Variants in STK24 observed in about 807,000 individuals in gnomAD.
STK24 encodes the protein serine/threonine-protein kinase 24.
Under a neutral mutation model 55.6 loss-of-function variants are expected in STK24, and 21 were observed. The ratio of observed to expected loss-of-function variants is 0.38; its 90% confidence interval spans 0.27 to 0.54. The LOEUF is 0.54. STK24 is among the 20% of genes least tolerant of loss of function. STK24 has a pLI of 0.79. For missense variants in STK24, 383 were observed against 538.4 expected (o/e 0.71, Z 2.86); for synonymous variants, 200 against 215.2 (o/e 0.93, Z 0.62).
At position 98,450,452 on chromosome 13, in the gene STK24, A is replaced by C. The variant is rs1175606975; in HGVS notation, c.*2721T>G. Reference sequence around the variant, plus strand: ...GCAGGGATAAAACTATTGGATAAGGAAGGCAGATGCACTTCCAAGAAAATC... The same window carrying C: ...GCAGGGATAAAACTATTGGATAAGGCAGGCAGATGCACTTCCAAGAAAATC... On this transcript the variant is annotated 3_prime_UTR_variant, in exon 11 of 11. Coordinates refer to ENST00000539966, the MANE Select transcript of STK24 (RefSeq NM_001032296.4). 3.3e-5 allele frequency: 5 copies of C among 152,280 alleles called. No individual in the cohort carries two copies. The highest frequency in any genetic ancestry group is 4.4e-5 in the Non-Finnish European group (3 of 68,066). The allele number at this position is 152,280 out of a possible 1,614,324, so 9.4% of individuals were successfully genotyped here.
At chr13:98,522,059 G>A (rs969464992) in intron 1 of STK24, 16 of 1,388,758 alleles carry the variant, frequency 1.2e-5, no homozygotes, top group East Asian at 8.3e-5. Context: ...GGACCTGCCC[G>A]GTCCTCCCCA....
At chr13:98,545,830 T>C (rs1176582447) in intron 1 of STK24, among the ~76,000 whole-genome samples, 1 of 152,124 alleles carries the variant, frequency 6.6e-6, no homozygotes, top group African/African-American at 2.4e-5. Context: ...CCAAACACTG[T>C]AATTACTGCA....
intron 1 of STK24, chr13:98,576,251 C>T: frequency 1.0e-6 from 1 of 982,272 alleles, no homozygotes; most frequent in Non-Finnish European, 1.2e-6. Flanking sequence ...CGGACGAGTC[C>T]AGGCGCGCTC....
rs113990406 is a variant in STK24 at position 98,474,686 on chromosome 13, T to C, written c.597+135A>G. The C allele has an allele frequency of 7.7e-5, 88 of 1,146,838 alleles. 3 individuals carry two copies. The East Asian group carries it at 8.0e-4, about 10-fold the overall frequency. The allele number at this position is 1,146,838 out of a possible 1,614,324, so 71.0% of individuals were successfully genotyped here. A position where few individuals can be genotyped will look rare whatever the true frequency, so the allele number is the denominator to read the frequency against. ...AGGAGAAAACTGTTCATAACCAAGG[T>C]TGAAGAATTACCTTTATGACCTACC... On this transcript the variant is annotated intron_variant, in intron 5 of 10. Transcript: ENST00000539966.
chr13:98,537,881 A>G (rs1376914173), intron 1 of STK24, among the ~76,000 whole-genome samples: 1 of 152,044 alleles, frequency 6.6e-6, no homozygotes, highest in African/African-American at 2.4e-5. Context: ...TAACAAGAGT[A>G]CCCACAACAC....
At chr13:98,541,429 T>C (rs1490183047) in intron 1 of STK24, among the ~76,000 whole-genome samples, 2 of 152,212 alleles carry the variant, frequency 1.3e-5, no homozygotes, top group African/African-American at 4.8e-5. Context: ...TGTTCAGATG[T>C]TCAAAGGAAA....
chr13:98,562,031 C>T (rs958260481), intron 1 of STK24, among the ~76,000 whole-genome samples: 2 of 147,400 alleles, frequency 1.4e-5, no homozygotes, highest in Non-Finnish European at 3.0e-5. Flanking sequence ...TTAAAGGAGG[C>T]ACAGAAGTCA....
intron 2 of STK24, among the ~76,000 whole-genome samples, chr13:98,497,368 T>C (rs1164596508): frequency 1.3e-5 from 2 of 152,206 alleles, no homozygotes; most frequent in Non-Finnish European, 2.9e-5. Context: ...AGGCAGACTA[T>C]GAACAAAATT....
chr13:98,448,376 T>C lies in STK24; in HGVS notation c.*4797A>G. The C allele has an allele frequency of 7.6e-7, 1 of 1,309,604 alleles. No individual in the cohort carries two copies. The highest frequency in any genetic ancestry group is 1.1e-6 in the Non-Finnish European group (1 of 902,784). The allele number at this position is 1,309,604 out of a possible 1,614,324, so 81.1% of individuals were successfully genotyped here. A position where few individuals can be genotyped will look rare whatever the true frequency, so the allele number is the denominator to read the frequency against. On this transcript the variant is annotated 3_prime_UTR_variant, in exon 11 of 11. Transcript: ENST00000539966. ...TTCCTGGAAGACGTTTCCTTTCTTC[T>C]GTATTAATGAAGCCTGGTAAAATTA...
At chr13:98,554,761 T>C (rs1432915586) in intron 1 of STK24, among the ~76,000 whole-genome samples, 1 of 152,150 alleles carries the variant, frequency 6.6e-6, no homozygotes, top group Non-Finnish European at 1.5e-5. Flanking sequence ...ACACCTATAA[T>C]CCCAGCACTT....
chr13:98,551,498 C>G (rs186654704), intron 1 of STK24, among the ~76,000 whole-genome samples: 46 of 150,364 alleles, frequency 3.1e-4, no homozygotes, highest in African/African-American at 1.1e-3. Context: ...CTAAATCTTT[C>G]TATCACGGCT....
At chr13:98,571,108 G>A (rs981705303) in intron 1 of STK24, among the ~76,000 whole-genome samples, 47 of 152,282 alleles carry the variant, frequency 3.1e-4, no homozygotes, top group African/African-American at 1.0e-3. Flanking sequence ...TAAGGGGCCC[G>A]TTTCTCAGGA....
At chr13:98,544,847 A>C (rs1896989326) in intron 1 of STK24, among the ~76,000 whole-genome samples, 1 of 152,372 alleles carries the variant, frequency 6.6e-6, no homozygotes, top group East Asian at 1.9e-4. Context: ...CTAGAGATGA[A>C]GGTAATAAAA....
chr13:98,465,481 A>G (rs529245540), intron 6 of STK24, among the ~76,000 whole-genome samples: 171 of 152,384 alleles, frequency 1.1e-3, no homozygotes, highest in African/African-American at 4.0e-3. Flanking sequence ...ATCATCGTGT[A>G]ATAAAATGCA....
chr13:98,568,291 C>T (rs570523177), intron 1 of STK24, among the ~76,000 whole-genome samples: 175 of 152,206 alleles, frequency 1.1e-3, no homozygotes, highest in African/African-American at 3.4e-3. Context: ...GCCATCGCGC[C>T]GGGCCAGCAG....
At chr13:98,551,181 G>C (rs111506011) in intron 1 of STK24, among the ~76,000 whole-genome samples, 2,347 of 151,948 alleles carry the variant, frequency 0.015, 58 homozygotes, top group African/African-American at 0.048. Context: ...AGCTACTCGG[G>C]AGGCTGAGGC....
At chr13:98,498,636 C>T (rs1048973003) in intron 2 of STK24, among the ~76,000 whole-genome samples, 1 of 152,140 alleles carries the variant, frequency 6.6e-6, no homozygotes, top group African/African-American at 2.4e-5. Context: ...GACCTGGCTG[C>T]CCAAGGCCTG....
chr13:98,539,909 A>C (rs1340486204), intron 1 of STK24, among the ~76,000 whole-genome samples: 1 of 152,222 alleles, frequency 6.6e-6, no homozygotes, highest in Non-Finnish European at 1.5e-5. Context: ...GCAGACACAC[A>C]CACAGATGTT....
At chr13:98,513,576 C>A (rs559688850) in intron 2 of STK24, among the ~76,000 whole-genome samples, 1 of 152,082 alleles carries the variant, frequency 6.6e-6, no homozygotes, top group Non-Finnish European at 1.5e-5. Context: ...TGGCTCGGTT[C>A]TCTTCTCTGT....
Sources: gnomAD v4.1 joint callset for allele counts (sites outside exome capture counted in the v4.1 genomes callset) on GRCh38, gnomAD v4.1.1 for gene constraint, MANE v1.5 for transcripts, NCBI Gene and HGNC (gene_info 2026-07-23, HGNC 2026-07-21) for gene names.